The following GXYLT1 variants were observed in gnomAD, a reference collection of about 807,000 sequenced individuals.
The protein encoded by GXYLT1 is glucoside xylosyltransferase 1.
In GXYLT1, 29 loss-of-function variants were observed where a neutral mutation model predicts 54.0. That is an observed-to-expected ratio of 0.54 (90% CI 0.40 to 0.73). The LOEUF (loss-of-function observed/expected upper bound fraction) is 0.73, where lower values mean the gene tolerates loss of function less well. Among genes scored for constraint, GXYLT1 ranks in the 30% least tolerant of loss-of-function variants. The pLI is 0.00. For synonymous variants in GXYLT1, 176 were observed against 204.1 expected, an observed-to-expected ratio of 0.86 and a Z score of 1.17; for missense variants, 490 against 553.4, an observed-to-expected ratio of 0.89 and a Z score of 1.15.
intron 7 of GXYLT1, among the ~76,000 whole-genome samples, chr12:42,094,975 T>C (rs752426805): frequency 1.3e-5 from 2 of 150,806 alleles, no homozygotes; most frequent in Non-Finnish European, 1.5e-5. Context: ...TAAAAAACTA[T>C]AGAAGAATAG....
At chr12:42,115,267 G>A (rs890426427) in intron 3 of GXYLT1, among the ~76,000 whole-genome samples, 13 of 152,154 alleles carry the variant, frequency 8.5e-5, no homozygotes, top group African/African-American at 2.7e-4. Flanking sequence ...CATAGTGTTG[G>A]AAGTTCTGGC....
chr12:42,110,832 T>C (rs755765720), intron 3 of GXYLT1, among the ~76,000 whole-genome samples: 1 of 152,240 alleles, frequency 6.6e-6, no homozygotes, highest in African/African-American at 2.4e-5. Flanking sequence ...TCATTTAACA[T>C]ATAATAGTGC....
rs1281368321 is a variant in GXYLT1, at chr12:42,129,521, C to A, written c.314+238G>T. On this transcript the variant is annotated intron_variant, in intron 2 of 7. Coordinates refer to ENST00000398675, the MANE Select transcript of GXYLT1 (RefSeq NM_173601.2). The stretch of plus-strand genomic sequence containing the variant: ...GTTACCAAAAGTTAGATCATAAATT[C>A]TCTTAAGAACAGTGGTTTGTCTTAA... 2.6e-5 allele frequency among the ~76,000 whole-genome samples: 4 copies of A among 152,160 alleles called. No individual in the cohort carries two copies. In the East Asian group the frequency reaches 7.7e-4, roughly 29 times the overall value.
rs188189615 is a variant in GXYLT1 at position 42,114,568 on chromosome 12, A to T, written c.486+4432T>A. Among the ~76,000 whole-genome samples, 433 of 152,314 alleles carry T rather than the reference A, an allele frequency of 2.8e-3. 2 individuals carry two copies. The highest frequency in any genetic ancestry group is 9.3e-3 in the African/African-American group (386 of 41,562). ...ATTCCTCGACACATACATCCTCCCA[A>T]GACTAAACCAGGAAGAAGTTGAATC... On this transcript the variant is annotated intron_variant, in intron 3 of 7. Transcript: ENST00000398675.
chr12:42,096,661 T>C (rs953276647), intron 7 of GXYLT1, among the ~76,000 whole-genome samples: 4 of 152,188 alleles, frequency 2.6e-5, no homozygotes, highest in African/African-American at 9.6e-5. Flanking sequence ...GTGAAGATTG[T>C]TTTGGGCAAG....
At chr12:42,129,146 A>C (rs2065580163) in intron 2 of GXYLT1, among the ~76,000 whole-genome samples, 2 of 152,158 alleles carry the variant, frequency 1.3e-5, no homozygotes, top group Admixed American at 1.3e-4. Context: ...TGTTTCTTTC[A>C]TTCTAGATTA....
rs2065300444 is a variant in GXYLT1, at chr12:42,087,363, A to C, written c.*423T>G. Reference sequence around the variant, plus strand: ...AGACCTGTTTCTGCTCCTGTAAACAAACTTTTTTCTCACACTTTTAAAGTG... The same window carrying C: ...AGACCTGTTTCTGCTCCTGTAAACACACTTTTTTCTCACACTTTTAAAGTG... On this transcript the variant is annotated 3_prime_UTR_variant, in exon 8 of 8. Transcript: ENST00000398675. The C allele has an allele frequency of 6.5e-6, 1 of 154,040 alleles. No homozygotes were observed. Among genetic ancestry groups the C allele is most frequent in the Admixed American group, 6.5e-5 (1 of 15,302 alleles). The allele number at this position is 154,040 out of a possible 1,614,324, so 9.5% of individuals were successfully genotyped here. A position where few individuals can be genotyped will look rare whatever the true frequency, so the allele number is the denominator to read the frequency against.
chr12:42,091,900 A>G (rs1270981971), intron 7 of GXYLT1, among the ~76,000 whole-genome samples: 1 of 152,168 alleles, frequency 6.6e-6, no homozygotes, highest in African/African-American at 2.4e-5. Flanking sequence ...CACTCCAGTC[A>G]CACTGAACAG....
intron 7 of GXYLT1, among the ~76,000 whole-genome samples, chr12:42,089,000 A>T (rs564012127): frequency 6.6e-6 from 1 of 152,014 alleles, no homozygotes; most frequent in African/African-American, 2.4e-5. Context: ...TAGAGATGCA[A>T]AGAGATCCTA....
intron 4 of GXYLT1, among the ~76,000 whole-genome samples, chr12:42,109,272 G>A (rs1156417032): frequency 6.6e-6 from 1 of 152,096 alleles, no homozygotes; most frequent in Non-Finnish European, 1.5e-5. Flanking sequence ...TTAAGACCTG[G>A]CAACCTCTAT....
intron 7 of GXYLT1, among the ~76,000 whole-genome samples, chr12:42,089,084 T>C (rs954122472): frequency 3.3e-5 from 5 of 151,906 alleles, no homozygotes; most frequent in Non-Finnish European, 7.4e-5. Context: ...GAGTGATTTT[T>C]AAAAATCAAT....
At chr12:42,113,356 G>C (rs998574819) in intron 3 of GXYLT1, among the ~76,000 whole-genome samples, 2 of 151,058 alleles carry the variant, frequency 1.3e-5, no homozygotes, top group East Asian at 1.9e-4. Flanking sequence ...AAAGAGTCAA[G>C]ACCCATCAGT....
chr12:42,120,627 C>T (rs1257724077), intron 2 of GXYLT1, among the ~76,000 whole-genome samples: 1 of 152,154 alleles, frequency 6.6e-6, no homozygotes, highest in Non-Finnish European at 1.5e-5. Context: ...ACCTCCCAGG[C>T]TCAAGCCATC....
chr12:42,098,089 T>G (rs1242537178), intron 5 of GXYLT1, 56 bp from the exon 6 acceptor site: 2 of 1,539,552 alleles, frequency 1.3e-6, no homozygotes, highest in Middle Eastern at 1.7e-4. Context: ...AATGGCAGCA[T>G]GATGACAGTT....
intron 2 of GXYLT1, among the ~76,000 whole-genome samples, chr12:42,128,471 A>C (rs1260658849): frequency 6.6e-6 from 1 of 152,098 alleles, no homozygotes; most frequent in East Asian, 1.9e-4. Context: ...GAAACTAGCT[A>C]ATTTCCAGAT....
chr12:42,118,951 A>C, intron 3 of GXYLT1, 49 bp downstream of exon 3: 1 of 1,308,212 alleles, frequency 7.6e-7, no homozygotes, highest in Non-Finnish European at 1.1e-6. Flanking sequence ...ATTATAGTAT[A>C]TTATTAAATA....
At chr12:42,088,922 A>G (rs1592098958) in intron 7 of GXYLT1, among the ~76,000 whole-genome samples, 1 of 47,134 alleles carries the variant, frequency 2.1e-5, no homozygotes, top group East Asian at 8.3e-4. Context: ...GTCTGCAGGA[A>G]GCTGCAGTCA....
In GXYLT1 at chr12:42,105,914, A is replaced by G. The variant is rs2065417101; in HGVS notation, c.768T>C (p.Tyr256=). ...AATATGGATGCCTAGCAAAGCGATT[A>G]TACCATCCTATTCGAGGTTCCTCAT... ...PEHEEPRIGW[Y]NRFARHPYYG... The change falls in exon 5 of 8, where the codon TAT becomes TAC. Residue 256 remains tyrosine, a synonymous_variant. Coordinates refer to ENST00000398675, the MANE Select transcript of GXYLT1 (RefSeq NM_173601.2). 2 of 1,613,866 alleles carry G rather than the reference A, an allele frequency of 1.2e-6. No individual in the cohort carries two copies. The highest frequency in any genetic ancestry group is 3.3e-5 in the Admixed American group (2 of 60,008).
intron 5 of GXYLT1, 66 bp downstream of exon 5, chr12:42,105,752 T>A: frequency 7.5e-7 from 1 of 1,328,280 alleles, no homozygotes. Flanking sequence ...TAAAATTTAG[T>A]TTTATTAAAA....
Sources: gnomAD v4.1 joint callset for allele counts (sites outside exome capture counted in the v4.1 genomes callset) on GRCh38, gnomAD v4.1.1 for gene constraint, MANE v1.5 for transcripts, NCBI Gene and HGNC (gene_info 2026-07-23, HGNC 2026-07-21) for gene names.